The following TRIM43B variants were observed in gnomAD, a reference collection of about 807,000 sequenced individuals.
TRIM43B encodes the protein tripartite motif-containing protein 43B.
TRIM43B carries 15 observed loss-of-function variants against 27.0 expected under a neutral mutation model. The ratio of observed to expected loss-of-function variants is 0.55; its 90% CI spans 0.37 to 0.85. The LOEUF (loss-of-function observed/expected upper bound fraction) is 0.85. Ranked by LOEUF, TRIM43B falls within the 40% of genes least tolerant of loss-of-function variation. The probability of loss-of-function intolerance (pLI) is 0.00; values close to 1 mark genes in which losing one functional copy is unlikely to be tolerated. For synonymous variants in TRIM43B, 69 were observed against 97.8 expected, an observed-to-expected ratio of 0.71 and a Z score of 1.74; for missense variants, 172 against 289.8, an observed-to-expected ratio of 0.59 and a Z score of 2.95.
chr2:95,483,361 T>A (rs1245307820), intron 1 of TRIM43B, among the ~76,000 whole-genome samples: 1 of 152,162 alleles, frequency 6.6e-6, no homozygotes, highest in Non-Finnish European at 1.5e-5. Context: ...CTTTCTGGCA[T>A]GTTTCCTGTT....
At chr2:95,483,171 C>T (rs1249047415) in intron 1 of TRIM43B, among the ~76,000 whole-genome samples, 1 of 152,114 alleles carries the variant, frequency 6.6e-6, no homozygotes, top group South Asian at 2.1e-4. Context: ...TCCATAATGA[C>T]TTTTCCAGAA....
chr2:95,482,313 C>T (rs747255579), exon 2 of TRIM43B: 4 of 1,611,530 alleles, frequency 2.5e-6, no homozygotes, highest in Non-Finnish European at 3.4e-6. Context: ...CCCGGTCTTC[C>T]TCAGCTGCCT....
rs1163451407 is a variant in TRIM43B, at chr2:95,484,610, G to T, written c.-9C>A. On this transcript the variant is annotated 5_prime_UTR_variant, in exon 1 of 7. In the 5' UTR this introduces an upstream ATG that the reference lacks. Transcript: ENST00000639673. ...CTCTGGAAATTGTGTACTTACCTCA[G>T]AAATATATCTATGTTCTCACCAAAG... 3 of 152,074 alleles carry T rather than the reference G, an allele frequency of 2.0e-5. No individual in the cohort carries two copies. In the East Asian group the frequency reaches 5.8e-4, roughly 29 times the overall value. The allele number at this position is 152,074 out of a possible 1,614,324, so 9.4% of individuals were successfully genotyped here. A position where few individuals can be genotyped will look rare whatever the true frequency, so the allele number is the denominator to read the frequency against.
In TRIM43B at chr2:95,482,342, T is replaced by C. The variant is rs544922225; in HGVS notation, c.373A>G (p.Lys125Glu). Residue 125 changes from lysine (K) to glutamate (E), a missense_variant, in exon 2 of 7, where the codon AAA becomes GAA. This residue lies in a region of TRIM43B where 74 missense variants were observed against 150.7 expected (regional missense o/e 0.49). Coordinates refer to ENST00000639673, the Ensembl canonical transcript of TRIM43B. ...GCTGCCTCTTCGATGGGATAGTGTT[T>C]GTGAGCCCCGTGCTCCTGAGAGTTG... The C allele has an allele frequency of 1.3e-5, 21 of 1,611,494 alleles. No homozygotes were observed. The East Asian group carries it at 3.8e-4, about 29-fold the overall frequency.
chr2:95,481,743 T>G (rs1268719605), intron 2 of TRIM43B, 53 bp from the exon 3 acceptor site: 1 of 1,579,108 alleles, frequency 6.3e-7, no homozygotes, highest in African/African-American at 1.4e-5. Flanking sequence ...GATTCCACCA[T>G]CTGAGTGGTA....
chr2:95,481,458 G>C (rs1683520935), intron 3 of TRIM43B, 137 bp downstream of exon 3: 1 of 646,512 alleles, frequency 1.5e-6, no homozygotes, highest in African/African-American at 1.8e-5. Context: ...ATGTTGAACA[G>C]TCTGGTTGTT....
Position 95,483,222 on chromosome 2 carries a change from A to AC in TRIM43B, c.-4-505dup, listed in dbSNP as rs1683567544. On this transcript the variant is annotated intron_variant, in intron 1 of 6. Transcript: ENST00000639673. ...ATGTTAGAGCAGAACTCATACTTTG[A>AC]CCCAAATCAGAAAAAGCCAGCCTTT... is the stretch of plus-strand genomic sequence containing the variant. 2.6e-5 allele frequency among the ~76,000 whole-genome samples: 4 copies of AC among 152,216 alleles called. No homozygotes were observed. In the South Asian group the frequency reaches 6.2e-4, roughly 24 times the overall value.
chr2:95,481,805 A>C (rs988538568), intron 2 of TRIM43B, 115 bp from the exon 3 acceptor site: 31 of 1,075,408 alleles, frequency 2.9e-5, no homozygotes, highest in African/African-American at 1.1e-4. Context: ...GGAGAAAAAA[A>C]CAAAATTTTT....
intron 3 of TRIM43B, 45 bp downstream of exon 3, chr2:95,481,550 T>A: frequency 6.8e-7 from 1 of 1,475,792 alleles, no homozygotes; most frequent in Non-Finnish European, 9.1e-7. Flanking sequence ...GTTGTCAGCA[T>A]GCCTGTCTCA....
At chr2:95,480,199 C>A in intron 4 of TRIM43B, 106 bp downstream of exon 4, 1 of 1,485,108 alleles carries the variant, frequency 6.7e-7, no homozygotes, top group Non-Finnish European at 9.0e-7. Context: ...TGACTCTCAC[C>A]GTCAGTGCAG....
At chr2:95,481,751 G>C in intron 2 of TRIM43B, 61 bp from the exon 3 acceptor site, 4 of 1,548,008 alleles carry the variant, frequency 2.6e-6, no homozygotes, top group Non-Finnish European at 3.5e-6. Context: ...CATCTGAGTG[G>C]TATAAGCAGG....
chr2:95,481,089 A>G (rs1683513076), intron 3 of TRIM43B, among the ~76,000 whole-genome samples: 1 of 151,852 alleles, frequency 6.6e-6, no homozygotes, highest in African/African-American at 2.4e-5. Context: ...CAATAATGAC[A>G]TATTTATCCT....
At chr2:95,483,394 G>A (rs1471303018) in intron 1 of TRIM43B, among the ~76,000 whole-genome samples, 1 of 151,868 alleles carries the variant, frequency 6.6e-6, no homozygotes, top group African/African-American at 2.4e-5. Flanking sequence ...GTTAATTTGG[G>A]GATATACTGG....
chr2:95,482,340 T>C (rs1226212367), exon 2 of TRIM43B: 10 of 1,611,396 alleles, frequency 6.2e-6, no homozygotes, highest in African/African-American at 1.3e-5. Flanking sequence ...TGGGATAGTG[T>C]TTGTGAGCCC....
At chr2:95,480,435 T>G in exon 4 of TRIM43B, 1 of 1,606,466 alleles carries the variant, frequency 6.2e-7, no homozygotes, top group Non-Finnish European at 8.5e-7. Flanking sequence ...TTGGTATTCC[T>G]TGTTCAGTCT....
chr2:95,482,946 T>G (rs1190762960), intron 1 of TRIM43B, among the ~76,000 whole-genome samples: 5 of 152,086 alleles, frequency 3.3e-5, no homozygotes, highest in Non-Finnish European at 7.4e-5. Context: ...CTTTCCAAAC[T>G]CTACTTTCTT....
At position 95,482,297 on chromosome 2, in the gene TRIM43B, C is replaced by G. The variant is rs553066144; in HGVS notation, c.411+7G>C. On this transcript the variant is annotated splice_region_variant and intron_variant, in intron 2 of 6. Transcript: ENST00000639673. ...AGCTTTCAGGTGATCACAGAGCTAT[C>G]TCTTACCCGGTCTTCCTCAGCTGCC... is the stretch of plus-strand genomic sequence containing the variant. The G allele has an allele frequency of 6.8e-6, 11 of 1,611,372 alleles. 1 individual carries two copies. In the African/African-American group the frequency reaches 1.3e-4, roughly 20 times the overall value.
intron 3 of TRIM43B, among the ~76,000 whole-genome samples, chr2:95,481,328 C>A (rs114851071): frequency 0.032 from 4,852 of 152,160 alleles, 275 homozygotes; most frequent in African/African-American, 0.11. Flanking sequence ...TTTCATAATT[C>A]ATTTTATACA....
exon 4 of TRIM43B, chr2:95,480,323 T>C: frequency 6.2e-7 from 1 of 1,608,994 alleles, no homozygotes; most frequent in South Asian, 1.1e-5. Flanking sequence ...GCTCCACCTC[T>C]GGTTTATGAC....
Sources: gnomAD v4.1 joint callset for allele counts (sites outside exome capture counted in the v4.1 genomes callset) on GRCh38, gnomAD v4.1.1 for gene constraint, gnomAD v4.1.1 regional missense constraint, MANE v1.5 for transcripts, NCBI Gene and HGNC (gene_info 2026-07-23, HGNC 2026-07-21) for gene names.